ATP8A2: variants seen among roughly 807,000 people sequenced by gnomAD.
ATP8A2 encodes the protein phospholipid-transporting ATPase IB.
In ATP8A2, 100 loss-of-function variants were observed where a neutral mutation model predicts 165.6. That is an observed-to-expected ratio of 0.60 (90% CI 0.51 to 0.71). The LOEUF (loss-of-function observed/expected upper bound fraction) is 0.71, where lower values mean the gene tolerates loss of function less well. ATP8A2 is among the 30% of genes least tolerant of loss of function. The pLI, the probability that ATP8A2 is intolerant of heterozygous loss-of-function variation, is 0.00. For missense variants in ATP8A2, 1,227 were observed against 1,479.5 expected, an observed-to-expected ratio of 0.83 and a Z score of 2.80; for synonymous variants, 543 against 548.8, an observed-to-expected ratio of 0.99 and a Z score of 0.15.
At chr13:25,726,028 A>G (rs543932105) in intron 25 of ATP8A2, among the ~76,000 whole-genome samples, 1 of 152,368 alleles carries the variant, frequency 6.6e-6, no homozygotes, top group East Asian at 1.9e-4. Flanking sequence ...GTTTACCTTT[A>G]GTATGTAGAT....
intron 2 of ATP8A2, among the ~76,000 whole-genome samples, chr13:25,492,827 T>C (rs2036567623): frequency 6.6e-6 from 1 of 152,182 alleles, no homozygotes; most frequent in Admixed American, 6.5e-5. Context: ...TTGGAGTGTC[T>C]GAGGCAGGTG....
At chr13:25,425,574 C>A (rs1593289656) in intron 1 of ATP8A2, among the ~76,000 whole-genome samples, 1 of 99,190 alleles carries the variant, frequency 1.0e-5, no homozygotes, top group South Asian at 3.8e-4. Context: ...AGATTGGCTT[C>A]TTTCTTTCCT....
rs531636034 is a variant in ATP8A2 at position 25,425,828 on chromosome 13, C to T, written c.77-43149C>T. Reference sequence around the variant, plus strand: ...CCTGACCTTGTGATCCGCCCGCCTCCGCCTCCCAGAGTGCTGGGATTACAG... The same window carrying T: ...CCTGACCTTGTGATCCGCCCGCCTCTGCCTCCCAGAGTGCTGGGATTACAG... On this transcript the variant is annotated intron_variant, in intron 1 of 36. Coordinates refer to ENST00000381655, the MANE Select transcript of ATP8A2 (RefSeq NM_016529.6). Among the ~76,000 whole-genome samples the T allele has an allele frequency of 1.5e-3, 235 of 152,250 alleles. 2 individuals carry two copies. The highest frequency in any genetic ancestry group is 3.4e-3 in the Admixed American group (52 of 15,300).
At chr13:25,936,313 A>G (rs1954887724) in intron 33 of ATP8A2, among the ~76,000 whole-genome samples, 2 of 152,236 alleles carry the variant, frequency 1.3e-5, no homozygotes, top group Admixed American at 1.3e-4. Flanking sequence ...CACTGGACAC[A>G]GAACAGATGT....
chr13:25,579,724 A>G lies in ATP8A2; in HGVS notation c.1868-84A>G, dbSNP rs1023158964. 5.3e-6 allele frequency: 8 copies of G among 1,516,528 alleles called. No homozygotes were observed. In the Admixed American group the frequency reaches 1.1e-4, roughly 20 times the overall value. The allele number at this position is 1,516,528 out of a possible 1,614,324, so 93.9% of individuals were successfully genotyped here. On this transcript the variant is annotated intron_variant, in intron 21 of 36. Transcript: ENST00000381655. ...CAGAGTCTCTTCAATTTTTTTGGGC[A>G]TGCTGATGGAAAAGGGAGCACAGGC...
intron 24 of ATP8A2, among the ~76,000 whole-genome samples, chr13:25,597,189 A>AT (rs894647524): frequency 8.6e-5 from 13 of 150,542 alleles, no homozygotes; most frequent in Middle Eastern, 3.4e-3. Context: ...TCTGTTGCAA[A>AT]TTTTTTTTTT....
intron 25 of ATP8A2, among the ~76,000 whole-genome samples, chr13:25,706,039 T>C (rs1399654672): frequency 2.0e-5 from 3 of 152,178 alleles, no homozygotes; most frequent in African/African-American, 7.2e-5. Flanking sequence ...ATAAGCAACA[T>C]AGAAACTTGC....
intron 25 of ATP8A2, among the ~76,000 whole-genome samples, chr13:25,706,770 C>G (rs903446851): frequency 1.3e-5 from 2 of 152,118 alleles, no homozygotes; most frequent in Non-Finnish European, 2.9e-5. Flanking sequence ...ATTAACTTGT[C>G]GAGGCTGTAA....
intron 27 of ATP8A2, among the ~76,000 whole-genome samples, chr13:25,819,459 G>A (rs1178866830): frequency 6.6e-6 from 1 of 152,024 alleles, no homozygotes; most frequent in Non-Finnish European, 1.5e-5. Flanking sequence ...CTCTATAATA[G>A]CATTTCTGAT....
intron 24 of ATP8A2, among the ~76,000 whole-genome samples, chr13:25,685,655 C>T (rs1374525595): frequency 3.3e-5 from 5 of 152,194 alleles, no homozygotes; most frequent in African/African-American, 7.2e-5. Flanking sequence ...AGAATGGATG[C>T]AAGGGAGCAG....
At chr13:25,941,374 T>A (rs1454292842) in intron 33 of ATP8A2, among the ~76,000 whole-genome samples, 1 of 152,146 alleles carries the variant, frequency 6.6e-6, no homozygotes, top group Admixed American at 6.5e-5. Context: ...TCAGCAGCCC[T>A]CTTTCCTCAC....
At chr13:25,591,177 C>A in intron 24 of ATP8A2, 1 of 413,036 alleles carries the variant, frequency 2.4e-6, no homozygotes, top group Non-Finnish European at 4.9e-6. Flanking sequence ...TTGTGAAATA[C>A]ATCATTTAAG....
intron 15 of ATP8A2, 103 bp from the exon 16 acceptor site, chr13:25,563,853 G>A (rs1593541390): frequency 9.3e-6 from 7 of 752,796 alleles, no homozygotes; most frequent in African/African-American, 3.5e-5. Context: ...AATCCCTATA[G>A]GACTTTAGGT....
At chr13:25,447,623 T>TAC (rs2035105774) in intron 1 of ATP8A2, among the ~76,000 whole-genome samples, 1 of 152,210 alleles carries the variant, frequency 6.6e-6, no homozygotes, top group Non-Finnish European at 1.5e-5. Flanking sequence ...GGGCGTGTGT[T>TAC]ACAATCAGTG....
chr13:25,404,250 T>C (rs1446260026), intron 1 of ATP8A2, among the ~76,000 whole-genome samples: 1 of 152,098 alleles, frequency 6.6e-6, no homozygotes, highest in African/African-American at 2.4e-5. Context: ...GTGGCAAGCA[T>C]GACCAAAGCC....
intron 6 of ATP8A2, among the ~76,000 whole-genome samples, chr13:25,535,648 T>C (rs990511810): frequency 6.6e-6 from 1 of 151,972 alleles, no homozygotes; most frequent in Non-Finnish European, 1.5e-5. Context: ...ACCCCATCTC[T>C]ACAAAAAAAT....
chr13:25,672,245 C>CA (rs1197246572), intron 24 of ATP8A2, among the ~76,000 whole-genome samples: 1 of 152,092 alleles, frequency 6.6e-6, no homozygotes, highest in Non-Finnish European at 1.5e-5. Context: ...CAGTTTTTTT[C>CA]ATAGAGAGGC....
chr13:25,922,095 T>C (rs1954476411), intron 33 of ATP8A2, among the ~76,000 whole-genome samples: 1 of 152,210 alleles, frequency 6.6e-6, no homozygotes, highest in Admixed American at 6.5e-5. Flanking sequence ...ATAACCTCAA[T>C]ATAGAAGAAT....
intron 11 of ATP8A2, 42 bp from the exon 12 acceptor site, chr13:25,553,751 T>G: frequency 6.3e-7 from 1 of 1,585,686 alleles, no homozygotes; most frequent in Non-Finnish European, 8.6e-7. Context: ...CAATAGACTT[T>G]GGTTGTGAAC....
Sources: allele counts gnomAD v4.1 joint callset (sites outside exome capture counted in the v4.1 genomes callset), GRCh38; gene constraint gnomAD v4.1.1; transcripts MANE v1.5; gene names NCBI Gene and HGNC (gene_info 2026-07-23, HGNC 2026-07-21).